ATF7IP2: variants seen among roughly 807,000 people sequenced by gnomAD.
The protein encoded by ATF7IP2 is activating transcription factor 7-interacting protein 2.
Under a neutral mutation model 64.2 loss-of-function variants are expected in ATF7IP2, and 42 were observed. The observed-to-expected ratio is 0.65, with a 90% CI of 0.51 to 0.85. ATF7IP2 has a LOEUF of 0.85. Ranked by LOEUF, ATF7IP2 falls within the 40% of genes least tolerant of loss-of-function variation. ATF7IP2 has a pLI of 0.00. For missense variants in ATF7IP2, 933 were observed against 784.2 expected (o/e 1.19, Z -2.27); for synonymous variants, 308 against 272.8 (o/e 1.13, Z -1.27).
At chr16:10,392,517 G>A (rs1208877264) in intron 1 of ATF7IP2, among the ~76,000 whole-genome samples, 1 of 151,920 alleles carries the variant, frequency 6.6e-6, no homozygotes, top group Non-Finnish European at 1.5e-5. Context: ...GGCCCAAATG[G>A]CATTAGTGGT....
At chr16:10,401,340 T>A (rs911829580) in intron 1 of ATF7IP2, among the ~76,000 whole-genome samples, 6 of 152,102 alleles carry the variant, frequency 3.9e-5, no homozygotes, top group Admixed American at 1.3e-4. Context: ...GCTCATTTTT[T>A]TGTATTTTTA....
At chr16:10,474,615 G>A (rs1003567440) in intron 12 of ATF7IP2, among the ~76,000 whole-genome samples, 9 of 152,242 alleles carry the variant, frequency 5.9e-5, no homozygotes, top group South Asian at 2.1e-4. Flanking sequence ...AAATACAGTC[G>A]TGGGGCTGGG....
intron 6 of ATF7IP2, among the ~76,000 whole-genome samples, chr16:10,437,584 A>C (rs1333961777): frequency 6.6e-6 from 1 of 152,224 alleles, no homozygotes; most frequent in Non-Finnish European, 1.5e-5. Flanking sequence ...GTCAACAAGG[A>C]AAATGAAGCT....
chr16:10,413,589 T>TTTTG (rs768630765), intron 1 of ATF7IP2, among the ~76,000 whole-genome samples: 1 of 152,188 alleles, frequency 6.6e-6, no homozygotes, highest in Non-Finnish European at 1.5e-5. Context: ...TACCTTGGTT[T>TTTTG]TTTGTTTGTT....
intron 10 of ATF7IP2, among the ~76,000 whole-genome samples, chr16:10,473,021 C>T (rs1431017623): frequency 6.6e-6 from 1 of 152,084 alleles, no homozygotes; most frequent in Non-Finnish European, 1.5e-5. Flanking sequence ...AAAGCTTTGC[C>T]TCCACTTAAT....
intron 7 of ATF7IP2, 67 bp from the exon 8 acceptor site, chr16:10,440,297 A>T: frequency 2.8e-6 from 2 of 713,020 alleles, no homozygotes; most frequent in South Asian, 5.0e-5. Context: ...CAAATAATTT[A>T]CCCTCTATCT....
chr16:10,406,527 A>G lies in ATF7IP2; in HGVS notation c.-241-8047A>G, dbSNP rs771251055. On this transcript the variant is annotated intron_variant, in intron 1 of 13. Coordinates refer to ENST00000562102, the MANE Select transcript of ATF7IP2 (RefSeq NM_001393719.1). ...TCATTGCAGAAGAAACAAAAGATCA[A>G]TGAAATGAAAAGTTAGTTTTTTTAA... is the stretch of plus-strand genomic sequence containing the variant. Among the ~76,000 whole-genome samples the G allele has an allele frequency of 5.9e-5, 9 of 152,244 alleles. No individual in the cohort carries two copies. The East Asian group carries it at 1.5e-3, about 26-fold the overall frequency.
intron 9 of ATF7IP2, 196 bp from the exon 10 acceptor site, chr16:10,471,914 C>G (rs2049814180): frequency 2.5e-6 from 1 of 393,936 alleles, no homozygotes; most frequent in Non-Finnish European, 4.5e-6. Context: ...TTTGATGAAT[C>G]TTTAGTCATA....
intron 8 of ATF7IP2, among the ~76,000 whole-genome samples, chr16:10,441,376 A>G (rs1168130875): frequency 1.3e-5 from 2 of 152,166 alleles, no homozygotes; most frequent in Non-Finnish European, 2.9e-5. Context: ...CCAACAGTAT[A>G]AAAAGCATTC....
intron 1 of ATF7IP2, among the ~76,000 whole-genome samples, chr16:10,411,928 T>C (rs2047769924): frequency 6.6e-6 from 1 of 150,902 alleles, no homozygotes; most frequent in Admixed American, 6.6e-5. Context: ...TCCTCAGCTT[T>C]TCTTGGTTAA....
chr16:10,418,063 CACAA>C (rs1048399660), intron 2 of ATF7IP2, among the ~76,000 whole-genome samples: 57 of 152,240 alleles, frequency 3.7e-4, no homozygotes, highest in African/African-American at 1.0e-3. Flanking sequence ...AGCTGAAAGC[CACAA>C]ACAGAGTTTT....
intron 1 of ATF7IP2, among the ~76,000 whole-genome samples, chr16:10,388,135 C>T (rs375375934): frequency 1.3e-5 from 2 of 152,170 alleles, no homozygotes; most frequent in East Asian, 3.8e-4. Context: ...AGGTGATCAG[C>T]CCGCCTCTGC....
chr16:10,477,580 T>A (rs987666403), intron 12 of ATF7IP2, among the ~76,000 whole-genome samples: 1 of 152,172 alleles, frequency 6.6e-6, no homozygotes, highest in South Asian at 2.1e-4. Context: ...TCCCTTTGAA[T>A]ACTGGCACAA....
rs947496500 is a variant in ATF7IP2 at position 10,419,628 on chromosome 16, G to T, written c.-160+5G>T. On this transcript the variant is annotated splice_donor_5th_base_variant and intron_variant, in intron 3 of 13. Transcript: ENST00000562102. ...AGCTTCTTGATCTGTCCCCAGGTAG[G>T]TGGCTGCATTCGACAGGTGTTGCTC... 6.5e-6 allele frequency: 1 copy of T among 153,300 alleles called. No individual in the cohort carries two copies. The highest frequency in any genetic ancestry group is 2.4e-5 in the African/African-American group (1 of 41,446). The allele number at this position is 153,300 out of a possible 1,614,324, so 9.5% of individuals were successfully genotyped here.
chr16:10,388,983 T>C (rs997248459), intron 1 of ATF7IP2, among the ~76,000 whole-genome samples: 24 of 150,508 alleles, frequency 1.6e-4, no homozygotes, highest in Non-Finnish European at 3.1e-4. Flanking sequence ...CTGCATTCCA[T>C]CCTGGGCGAC....
intron 1 of ATF7IP2, among the ~76,000 whole-genome samples, chr16:10,407,743 G>C (rs921221758): frequency 6.6e-6 from 1 of 152,050 alleles, no homozygotes; most frequent in African/African-American, 2.4e-5. Flanking sequence ...CCCATCACCC[G>C]AGCACTATAC....
At chr16:10,469,646 A>C (rs982201145) in intron 9 of ATF7IP2, among the ~76,000 whole-genome samples, 2 of 152,078 alleles carry the variant, frequency 1.3e-5, no homozygotes, top group East Asian at 3.9e-4. Flanking sequence ...ATTGTGGCGC[A>C]TGCCTGTAAT....
At chr16:10,447,890 C>A (rs1242627613) in intron 8 of ATF7IP2, 3 of 152,088 alleles carry the variant, frequency 2.0e-5, no homozygotes, top group African/African-American at 7.2e-5. Flanking sequence ...TCTTCTAAGG[C>A]TTTTATGGTT....
intron 3 of ATF7IP2, among the ~76,000 whole-genome samples, chr16:10,423,939 T>C (rs568639330): frequency 1.2e-4 from 19 of 152,318 alleles, no homozygotes; most frequent in East Asian, 1.9e-4. Context: ...CATAGAAATA[T>C]AGAGTGTGGA....
Sources: gnomAD v4.1 joint callset for allele counts (sites outside exome capture counted in the v4.1 genomes callset) on GRCh38, gnomAD v4.1.1 for gene constraint, MANE v1.5 for transcripts, NCBI Gene and HGNC (gene_info 2026-07-23, HGNC 2026-07-21) for gene names.